Variants in MEI4 observed in about 807,000 individuals in gnomAD.
MEI4 encodes the protein meiosis-specific protein MEI4.
A neutral mutation model predicts 31.4 loss-of-function variants in MEI4; 27 were observed. The ratio of observed to expected loss-of-function variants is 0.86; its 90% CI spans 0.63 to 1.19. MEI4 has a LOEUF of 1.19. Ranked by LOEUF, MEI4 falls within the 50% of genes most tolerant of loss-of-function variation. The probability of loss-of-function intolerance (pLI) is 0.00; values close to 1 mark genes in which losing one functional copy is unlikely to be tolerated. For synonymous variants in MEI4, 122 were observed against 145.4 expected (o/e 0.84, Z 1.16); for missense variants, 329 against 398.9 (o/e 0.82, Z 1.49).
intron 2 of MEI4, among the ~76,000 whole-genome samples, chr6:77,729,231 A>T (rs1346999456): frequency 1.3e-5 from 2 of 152,178 alleles, no homozygotes; most frequent in Non-Finnish European, 2.9e-5. Flanking sequence ...ACATACATTA[A>T]CCCATTTATG....
chr6:77,743,967 G>T (rs1453648916), intron 2 of MEI4, among the ~76,000 whole-genome samples: 11 of 152,176 alleles, frequency 7.2e-5, no homozygotes, highest in Non-Finnish European at 1.6e-4. Flanking sequence ...AAACCCATCT[G>T]TACATCACCA....
intron 4 of MEI4, among the ~76,000 whole-genome samples, chr6:77,869,251 G>A (rs1375297486): frequency 6.6e-6 from 1 of 152,152 alleles, no homozygotes; most frequent in Admixed American, 6.6e-5. Context: ...GGAATGTTAT[G>A]AAGCTGTGTC....
intron 3 of MEI4, among the ~76,000 whole-genome samples, chr6:77,779,768 G>C (rs1405651812): frequency 6.6e-6 from 1 of 152,098 alleles, no homozygotes; most frequent in Non-Finnish European, 1.5e-5. Flanking sequence ...GAAACTCTTA[G>C]AAACAGACAG....
intron 2 of MEI4, among the ~76,000 whole-genome samples, chr6:77,753,411 A>T (rs1486552442): frequency 1.6e-4 from 24 of 152,192 alleles, no homozygotes; most frequent in Admixed American, 1.6e-3. Context: ...TACAAGAAAA[A>T]AAAACAACCC....
rs569376575 is a variant in MEI4, at chr6:77,916,731, C to A, written c.901-6358C>A. Among the ~76,000 whole-genome samples, 93 of 151,034 alleles carry A rather than the reference C, an allele frequency of 6.2e-4. 1 individual carries two copies. The highest frequency in any genetic ancestry group is 2.2e-3 in the African/African-American group (89 of 41,142). On this transcript the variant is annotated intron_variant, in intron 4 of 4. Coordinates refer to ENST00000684080, the MANE Select transcript of MEI4 (RefSeq NM_001322247.2). ...TTCAAGTTTTATTATGAGATTGCAT[C>A]AATTCAGTCACATTTTCAGGCTGCA...
At chr6:77,677,419 C>T (rs190757752) in intron 1 of MEI4, among the ~76,000 whole-genome samples, 60 of 152,226 alleles carry the variant, frequency 3.9e-4, no homozygotes, top group South Asian at 4.1e-4. Context: ...ATATTATCAC[C>T]GTCTAGATAG....
intron 2 of MEI4, among the ~76,000 whole-genome samples, chr6:77,753,815 G>A (rs1008595991): frequency 1.3e-5 from 2 of 152,042 alleles, no homozygotes; most frequent in Non-Finnish European, 1.5e-5. Context: ...TGTTTGTTGC[G>A]GCACTGTTCA....
At chr6:77,835,373 A>ACACACACACACACACAC (rs1770189280) in intron 4 of MEI4, among the ~76,000 whole-genome samples, 69 of 96,802 alleles carry the variant, frequency 7.1e-4, no homozygotes, top group African/African-American at 2.2e-3. Context: ...AACAAAACAA[A>ACACACACACACACACAC]ACACACACAC....
In MEI4 at chr6:77,925,736, T is replaced by C. The variant is rs1391700240; in HGVS notation, c.*2390T>C. ...AAGTGATGATAATTGCTATAACTCT[T>C]ATACTATTTAATATAAGCTATAATA... is the stretch of plus-strand genomic sequence containing the variant. On this transcript the variant is annotated 3_prime_UTR_variant, in exon 5 of 5. Transcript: ENST00000684080. 1 of 149,468 alleles carries C rather than the reference T, an allele frequency of 6.7e-6. No homozygotes were observed. The highest frequency in any genetic ancestry group is 1.5e-5 in the Non-Finnish European group (1 of 67,394). 9.3% of individuals were successfully genotyped at this position (149,468 alleles called of 1,614,324 possible). A position where few individuals can be genotyped will look rare whatever the true frequency, so the allele number is the denominator to read the frequency against.
At chr6:77,801,074 C>T (rs1012643137) in intron 3 of MEI4, among the ~76,000 whole-genome samples, 2 of 152,158 alleles carry the variant, frequency 1.3e-5, no homozygotes, top group African/African-American at 4.8e-5. Flanking sequence ...ATGGTACCAG[C>T]TCCTCCTTGT....
intron 3 of MEI4, among the ~76,000 whole-genome samples, chr6:77,767,225 C>G (rs1020046598): frequency 2.0e-5 from 3 of 151,670 alleles, no homozygotes; most frequent in Non-Finnish European, 4.4e-5. Flanking sequence ...ACTAAAAATA[C>G]AAAAATTAGC....
chr6:77,828,891 A>T (rs1770016214), intron 3 of MEI4, 40 bp from the exon 4 acceptor site: 1 of 1,227,140 alleles, frequency 8.1e-7, no homozygotes. Context: ...TTTTGATTTG[A>T]CGTGATGGAA....
chr6:77,732,569 G>T (rs1304009573), intron 2 of MEI4, among the ~76,000 whole-genome samples: 1 of 151,922 alleles, frequency 6.6e-6, no homozygotes, highest in Non-Finnish European at 1.5e-5. Flanking sequence ...CATGTCATCT[G>T]CAAACAGGGA....
intron 2 of MEI4, among the ~76,000 whole-genome samples, chr6:77,734,904 G>C (rs1364573579): frequency 6.6e-6 from 1 of 151,710 alleles, no homozygotes. Flanking sequence ...AGCTTAGTTT[G>C]GCTGGATATG....
chr6:77,883,715 A>AAG (rs1771542180), intron 4 of MEI4, among the ~76,000 whole-genome samples: 1 of 65,612 alleles, frequency 1.5e-5, no homozygotes, highest in African/African-American at 7.4e-5. Context: ...GCTATTATGT[A>AAG]AGATATATAT....
intron 4 of MEI4, among the ~76,000 whole-genome samples, chr6:77,838,234 G>C (rs1770270124): frequency 6.6e-6 from 1 of 151,200 alleles, no homozygotes; most frequent in Non-Finnish European, 1.5e-5. Context: ...GACAGGTCTG[G>C]GTAACCAGAA....
intron 4 of MEI4, among the ~76,000 whole-genome samples, chr6:77,917,302 G>A (rs1226903455): frequency 6.7e-6 from 1 of 149,654 alleles, no homozygotes; most frequent in Admixed American, 6.7e-5. Flanking sequence ...GGGATGGCTG[G>A]GTCAAATGGT....
intron 3 of MEI4, among the ~76,000 whole-genome samples, chr6:77,801,317 T>A (rs908878406): frequency 2.0e-5 from 3 of 152,216 alleles, no homozygotes; most frequent in African/African-American, 4.8e-5. Flanking sequence ...TAGTTTGTAT[T>A]TCTGTGGGAT....
chr6:77,747,557 G>A (rs9352524), intron 2 of MEI4, among the ~76,000 whole-genome samples: 1 of 151,856 alleles, frequency 6.6e-6, no homozygotes, highest in East Asian at 1.9e-4. Context: ...GAACAGCTTA[G>A]GGGAAACCAC....
Sources: gnomAD v4.1 joint callset for allele counts (sites outside exome capture counted in the v4.1 genomes callset) on GRCh38, gnomAD v4.1.1 for gene constraint, MANE v1.5 for transcripts, NCBI Gene and HGNC (gene_info 2026-07-23, HGNC 2026-07-21) for gene names.